THAP6: variants seen among roughly 807,000 people sequenced by gnomAD.
The protein encoded by THAP6 is THAP domain containing 6.
A neutral mutation model predicts 20.0 loss-of-function variants in THAP6; 13 were observed. The ratio of observed to expected loss-of-function variants is 0.65; its 90% CI spans 0.42 to 1.03. The LOEUF is 1.03. Among genes scored for constraint, THAP6 ranks in the 50% least tolerant of loss-of-function variants. The pLI is 0.00. For missense variants in THAP6, 262 were observed against 261.6 expected, an observed-to-expected ratio of 1.00 and a Z score of -0.01; for synonymous variants, 93 against 92.2, an observed-to-expected ratio of 1.01 and a Z score of -0.05.
At chr4:75,539,631 C>G (rs535225894) in intron 2 of THAP6, among the ~76,000 whole-genome samples, 1 of 152,280 alleles carries the variant, frequency 6.6e-6, no homozygotes, top group East Asian at 1.9e-4. Flanking sequence ...GAGACCAAAC[C>G]AGCTGGGGAG....
At chr4:75,524,104 T>C (rs936242290) in intron 4 of THAP6, among the ~76,000 whole-genome samples, 1 of 152,204 alleles carries the variant, frequency 6.6e-6, no homozygotes, top group Admixed American at 6.5e-5. Flanking sequence ...TGAGTTCTCT[T>C]TTCTGTTCCA....
intron 2 of THAP6, chr4:75,542,391 G>A: frequency 1.4e-6 from 1 of 700,636 alleles, no homozygotes. Context: ...TCGTATTTCT[G>A]CCTGTGTTTT....
Position 75,516,830 on chromosome 4 carries a change from G to A in THAP6, c.139G>A (p.Val47Met), listed in dbSNP as rs1725680698. The A allele has an allele frequency of 1.2e-6, 2 of 1,613,942 alleles. No individual in the cohort carries two copies. The change falls in exon 3 of 5, where the codon GTG becomes ATG. Residue 47 changes from valine to methionine, a missense_variant. Physicochemically the swap from Val to Met is conservative, Grantham distance 21. Transcript: ENST00000311638. The stretch of plus-strand genomic sequence containing the variant: ...GGTATTAGCAATGAAAAGACTTGAT[G>A]TGAATGCAGCCGGCATTTGGGAGCC... ...KWVLAMKRLD[V>M]NAAGIWEPKK... is the part of the protein sequence containing the mutation.
intron 4 of THAP6, chr4:75,522,555 G>C (rs964967274): frequency 6.6e-6 from 1 of 151,198 alleles, no homozygotes; most frequent in East Asian, 1.9e-4. Context: ...CTATATTTCT[G>C]TACCCATTAA....
chr4:75,531,451 A>G (rs533318426), downstream of THAP6, among the ~76,000 whole-genome samples: 19 of 152,318 alleles, frequency 1.2e-4, no homozygotes, highest in Non-Finnish European at 1.9e-4. Context: ...TCCTTTTGCT[A>G]TAATCATAGC....
chr4:75,514,250 G>A, upstream of THAP6: 2 of 1,612,794 alleles, frequency 1.2e-6, no homozygotes, highest in South Asian at 1.1e-5. Context: ...CCTCGCTCTT[G>A]ACCGCTGGCG....
chr4:75,519,207 C>A (rs1482200843), intron 3 of THAP6, among the ~76,000 whole-genome samples: 1 of 152,026 alleles, frequency 6.6e-6, no homozygotes, highest in African/African-American at 2.4e-5. Context: ...CATTAATTTT[C>A]TTTGCTGTAT....
chr4:75,517,058 A>C, intron 3 of THAP6, 79 bp downstream of exon 3: 11 of 1,121,520 alleles, frequency 9.8e-6, no homozygotes, highest in Non-Finnish European at 1.2e-5. Context: ...TCGCTCTGTC[A>C]CCAAGGCTGG....
chr4:75,546,199 AAG>A, intron 3 of THAP6, among the ~76,000 whole-genome samples: 1 of 152,218 alleles, frequency 6.6e-6, no homozygotes, highest in Admixed American at 6.5e-5. Flanking sequence ...GAAAGAGGGA[AAG>A]AGAGACTGAG....
chr4:75,521,511 G>T (rs762508060), intron 3 of THAP6, among the ~76,000 whole-genome samples: 6 of 151,950 alleles, frequency 3.9e-5, no homozygotes, highest in African/African-American at 1.2e-4. Context: ...TTAATAGCTT[G>T]TAGGGTGTTT....
chr4:75,521,940 A>C (rs751699023), intron 4 of THAP6, 79 bp downstream of exon 4: 1 of 1,554,084 alleles, frequency 6.4e-7, no homozygotes, highest in Admixed American at 1.8e-5. Flanking sequence ...AATTTTTCAG[A>C]ATCCTAGCAA....
Position 75,519,484 on chromosome 4 carries a change from C to T in THAP6, c.289-2252C>T, listed in dbSNP as rs555977747. On this transcript the variant is annotated intron_variant, in intron 3 of 4. Transcript: ENST00000311638. ...CCAATGCTATCCTTCCCCCCTCCCC[C>T]GACCCCACCACAGTCCCCAGAGTGT... Among the ~76,000 whole-genome samples, 14 of 147,864 alleles carry T rather than the reference C, an allele frequency of 9.5e-5. No homozygotes were observed. In the South Asian group the frequency reaches 1.3e-3, roughly 14 times the overall value.
chr4:75,522,056 C>T, intron 4 of THAP6, 195 bp downstream of exon 4: 1 of 586,784 alleles, frequency 1.7e-6, no homozygotes, highest in Non-Finnish European at 2.8e-6. Context: ...CCTTTGGTTA[C>T]ATATGTAGTT....
chr4:75,537,185 G>T (rs183145770), intron 2 of THAP6, among the ~76,000 whole-genome samples: 1 of 152,070 alleles, frequency 6.6e-6, no homozygotes, highest in Non-Finnish European at 1.5e-5. Flanking sequence ...AGAAGTCTAG[G>T]GGGGGCACCA....
At position 75,528,014 on chromosome 4, in the gene THAP6, A is replaced by G. The variant is rs1010734858; in HGVS notation, c.*800A>G. The G allele has an allele frequency of 2.6e-5, 26 of 985,234 alleles. No homozygotes were observed. In the African/African-American group the frequency reaches 4.4e-4, roughly 17 times the overall value. The allele number at this position is 985,234 out of a possible 1,614,324, so 61.0% of individuals were successfully genotyped here. A position where few individuals can be genotyped will look rare whatever the true frequency, so the allele number is the denominator to read the frequency against. On this transcript the variant is annotated 3_prime_UTR_variant, in exon 5 of 5. Coordinates refer to ENST00000311638, the MANE Select transcript of THAP6 (RefSeq NM_144721.6). Reference sequence around the variant, plus strand: ...TGTTTAAAATCTGAATGGCAGTACTAGCTCTATACTTTTAATACTGCTTTG... The same window carrying G: ...TGTTTAAAATCTGAATGGCAGTACTGGCTCTATACTTTTAATACTGCTTTG...
rs1726626323 is a variant in THAP6, at chr4:75,530,006, A to G, written c.*2792A>G. On this transcript the variant is annotated 3_prime_UTR_variant, in exon 5 of 5. Transcript: ENST00000311638. ...AAATCTATTATAATTTATTTGAAAAATAAAACATTTTATCCAGTAATGTGT... is the reference window on the plus strand; with the variant it reads ...AAATCTATTATAATTTATTTGAAAAGTAAAACATTTTATCCAGTAATGTGT... The G allele has an allele frequency of 1.1e-6, 1 of 951,208 alleles. No homozygotes were observed. The highest frequency in any genetic ancestry group is 1.3e-6 in the Non-Finnish European group (1 of 798,736). The allele number at this position is 951,208 out of a possible 1,614,324, so 58.9% of individuals were successfully genotyped here.
intron 1 of THAP6, 82 bp from the exon 2 acceptor site, chr4:75,515,351 G>T (rs919884544): frequency 7.5e-6 from 10 of 1,325,476 alleles, no homozygotes; most frequent in Admixed American, 3.5e-5. Flanking sequence ...CTGATTTTGT[G>T]TTTCCTAAAA....
In THAP6 at chr4:75,529,726, A is replaced by T; in HGVS notation, c.*2512A>T. 6 of 985,430 alleles carry T rather than the reference A, an allele frequency of 6.1e-6. No homozygotes were observed. Among genetic ancestry groups the T allele is most frequent in the Non-Finnish European group, 7.2e-6 (6 of 829,946 alleles). The allele number at this position is 985,430 out of a possible 1,614,324, so 61.0% of individuals were successfully genotyped here. ...ACCCTAAGGGTTCCACTTTGCTTTA[A>T]AAGCTAGGAGTGGCCTCTAGAGCCA... is the stretch of plus-strand genomic sequence containing the variant. On this transcript the variant is annotated 3_prime_UTR_variant, in exon 5 of 5. Coordinates refer to ENST00000311638, the MANE Select transcript of THAP6 (RefSeq NM_144721.6).
intron 3 of THAP6, among the ~76,000 whole-genome samples, chr4:75,545,638 C>G (rs1433639368): frequency 6.6e-6 from 1 of 152,176 alleles, no homozygotes; most frequent in African/African-American, 2.4e-5. Flanking sequence ...GCCCACCACT[C>G]CCCATCCTCC....
Sources: allele counts gnomAD v4.1 joint callset (sites outside exome capture counted in the v4.1 genomes callset), GRCh38; gene constraint gnomAD v4.1.1; transcripts MANE v1.5; gene names NCBI Gene and HGNC (gene_info 2026-07-23, HGNC 2026-07-21).